TPM4: variants seen among roughly 807,000 people sequenced by gnomAD.
The protein encoded by TPM4 is tropomyosin alpha-4 chain.
A neutral mutation model predicts 35.8 loss-of-function variants in TPM4; 17 were observed. That is an observed-to-expected ratio of 0.47 (90% confidence interval 0.32 to 0.71). The LOEUF (loss-of-function observed/expected upper bound fraction) is 0.71. Among genes scored for constraint, TPM4 ranks in the 30% least tolerant of loss-of-function variants. TPM4 has a pLI of 0.03. For synonymous variants in TPM4, 120 were observed against 122.9 expected (o/e 0.98, Z 0.15); for missense variants, 240 against 320.9 (o/e 0.75, Z 1.93).
intron 2 of TPM4, among the ~76,000 whole-genome samples, chr19:16,085,131 T>C (rs1053954251): frequency 5.9e-5 from 9 of 152,034 alleles, no homozygotes; most frequent in Admixed American, 5.9e-4. Flanking sequence ...TGCATGCTGG[T>C]AGTCCCAGCC....
chr19:16,098,193 A>G (rs1011569552), intron 7 of TPM4, among the ~76,000 whole-genome samples: 6 of 152,218 alleles, frequency 3.9e-5, no homozygotes, highest in Non-Finnish European at 8.8e-5. Flanking sequence ...CTGTAATCCC[A>G]ACACTTTGGG....
chr19:16,090,535 G>C (rs909531356), intron 5 of TPM4, among the ~76,000 whole-genome samples: 1 of 151,614 alleles, frequency 6.6e-6, no homozygotes, highest in Non-Finnish European at 1.5e-5. Context: ...ATTACTTTGG[G>C]AGGCCGCCGA....
chr19:16,067,618 C>A lies in TPM4; in HGVS notation c.-7C>A. On this transcript the variant is annotated 5_prime_UTR_variant, in exon 2 of 3. Coordinates refer to the TPM4 transcript ENST00000589897. This position sits in a 1 kb window ranked among gnomAD's most constrained non-coding sequence, Gnocchi z 4.1. ...GCACCCCACGTCCCCCACGCCAGCG[C>A]CCAGCCATGGAGGCCATCAAGAAGA... 6.2e-7 allele frequency: 1 copy of A among 1,612,562 alleles called. No individual in the cohort carries two copies. Among genetic ancestry groups the A allele is most frequent in the Non-Finnish European group, 8.5e-7 (1 of 1,179,558 alleles).
chr19:16,075,788 T>C (rs1363950), upstream of TPM4: 53,345 of 398,328 alleles, frequency 0.13, 3,972 homozygotes, highest in Admixed American at 0.26. Flanking sequence ...AAAGCTGCCA[T>C]TGATCTCCCT....
chr19:16,085,818 C>T (rs1436040823), intron 2 of TPM4, among the ~76,000 whole-genome samples: 4 of 152,060 alleles, frequency 2.6e-5, no homozygotes, highest in African/African-American at 9.7e-5. Flanking sequence ...CCTGTAATCC[C>T]AGCACTCTGG....
intron 3 of TPM4, among the ~76,000 whole-genome samples, chr19:16,087,705 AC>A (rs1259000672): frequency 2.0e-5 from 3 of 151,598 alleles, no homozygotes; most frequent in Non-Finnish European, 4.4e-5. Context: ...CTACGGTGAA[AC>A]CCCATCTCGA....
chr19:16,076,101 C>T, upstream of TPM4: 1 of 1,604,460 alleles, frequency 6.2e-7, no homozygotes, highest in East Asian at 2.3e-5. Flanking sequence ...AGAGGACGAG[C>T]TGGATAAATA....
rs1283289709 is a variant in TPM4, at chr19:16,070,503, C to T, written c.114+2765C>T. ...ACCCAGGCCAGGAGCCAGGCCAGCCCGGCAGCTAAAGGCGAAAGCTCGGAG... is the reference window on the plus strand; with the variant it reads ...ACCCAGGCCAGGAGCCAGGCCAGCCTGGCAGCTAAAGGCGAAAGCTCGGAG... On this transcript the variant is annotated intron_variant, in intron 2 of 2. Coordinates refer to the TPM4 transcript ENST00000589897. The surrounding 1 kb of genome is among the most constrained non-coding windows in gnomAD (Gnocchi z 7.4). Among the ~76,000 whole-genome samples, 4 of 152,136 alleles carry T rather than the reference C, an allele frequency of 2.6e-5. No individual in the cohort carries two copies. Among genetic ancestry groups the T allele is most frequent in the East Asian group, 3.9e-4 (2 of 5,194 alleles).
At chr19:16,071,547 T>C (rs564218645), upstream of TPM4, among the ~76,000 whole-genome samples, 12 of 152,338 alleles carry the variant, frequency 7.9e-5, no homozygotes, top group Non-Finnish European at 1.3e-4. Flanking sequence ...GCCCTCAGTG[T>C]CCTCATCTGT....
At chr19:16,098,498 ATCTGTTGATAG>A (rs1375250349) in intron 7 of TPM4, among the ~76,000 whole-genome samples, 2 of 152,192 alleles carry the variant, frequency 1.3e-5, no homozygotes, top group African/African-American at 4.8e-5. Flanking sequence ...GGTCTACACT[ATCTGTTGATAG>A]TCTGTGAGCC....
chr19:16,101,783 A>C lies in TPM4; in HGVS notation c.*437A>C, dbSNP rs1037582075. On this transcript the variant is annotated 3_prime_UTR_variant, in exon 8 of 8. Coordinates refer to ENST00000643579, the MANE Select transcript of TPM4 (RefSeq NM_003290.3). The stretch of plus-strand genomic sequence containing the variant: ...TGTTGGTCAAACTATAGGAGAGACC[A>C]GGGACCATCACATGGGTAGGGATTT... 2.2e-5 allele frequency: 5 copies of C among 229,756 alleles called. No individual in the cohort carries two copies. Among genetic ancestry groups the C allele is most frequent in the African/African-American group, 1.1e-4 (5 of 45,050 alleles). The allele number at this position is 229,756 out of a possible 1,614,324, so 14.2% of individuals were successfully genotyped here.
At position 16,070,571 on chromosome 19, in the gene TPM4, T is replaced by C. The variant is rs961887903; in HGVS notation, c.114+2833T>C. 6.6e-6 allele frequency among the ~76,000 whole-genome samples: 1 copy of C among 152,224 alleles called. No individual in the cohort carries two copies. The highest frequency in any genetic ancestry group is 1.9e-4 in the East Asian group (1 of 5,192). Reference sequence around the variant, plus strand: ...TGAGTCATGGCTCAGTCGCTAGGTGTCCCGGACGCCTGCATGAGTGAGATA... The same window carrying C: ...TGAGTCATGGCTCAGTCGCTAGGTGCCCCGGACGCCTGCATGAGTGAGATA... On this transcript the variant is annotated intron_variant, in intron 2 of 2. Coordinates refer to the TPM4 transcript ENST00000589897. This position sits in a 1 kb window ranked among gnomAD's most constrained non-coding sequence, Gnocchi z 7.4.
chr19:16,076,464 A>T (rs898679236), upstream of TPM4: 3 of 1,334,020 alleles, frequency 2.2e-6, no homozygotes, highest in East Asian at 6.4e-5. Flanking sequence ...GCCCCCGCGC[A>T]GGCAAAGGCT....
At chr19:16,073,045 CA>C (rs1324353423), upstream of TPM4, among the ~76,000 whole-genome samples, 1 of 151,852 alleles carries the variant, frequency 6.6e-6, no homozygotes, top group African/African-American at 2.4e-5. Flanking sequence ...CCAAACCAAA[CA>C]AAAAAACCCC....
intron 7 of TPM4, chr19:16,099,985 A>G (rs2090746419): frequency 6.6e-6 from 1 of 152,232 alleles, no homozygotes; most frequent in Non-Finnish European, 1.5e-5. Context: ...GATGGGTTAC[A>G]GGATTTTAGA....
Position 16,101,917 on chromosome 19 carries a change from A to G in TPM4, c.*571A>G, listed in dbSNP as rs957689521. 3.5e-5 allele frequency: 8 copies of G among 225,710 alleles called. No homozygotes were observed. The highest frequency in any genetic ancestry group is 1.8e-4 in the South Asian group (1 of 5,466). 14.0% of individuals were successfully genotyped at this position (225,710 alleles called of 1,614,324 possible). On this transcript the variant is annotated 3_prime_UTR_variant, in exon 8 of 8. Coordinates refer to ENST00000643579, the MANE Select transcript of TPM4 (RefSeq NM_003290.3). ...GAATCCTGGCCCTTCTCCACTCTCC[A>G]CCATGCAGGACAAACATCTTCTCAA...
intron 3 of TPM4, among the ~76,000 whole-genome samples, chr19:16,087,132 AT>A (rs1311875520): frequency 6.6e-6 from 1 of 151,906 alleles, no homozygotes; most frequent in Non-Finnish European, 1.5e-5. Context: ...AATAATAATA[AT>A]TAGCTGGGTG....
rs1277923757 is a variant in TPM4, at chr19:16,076,868, C to A, written c.132+171C>A. 2.4e-6 allele frequency: 3 copies of A among 1,230,066 alleles called. No individual in the cohort carries two copies. In the East Asian group the frequency reaches 9.9e-5, roughly 41 times the overall value. The allele number at this position is 1,230,066 out of a possible 1,614,324, so 76.2% of individuals were successfully genotyped here. ...CTGCGCCCGCAGCCAGGACCCCCTA[C>A]TTCCTCCGCCGTCCTCCTTCCTGGG... On this transcript the variant is annotated intron_variant, in intron 1 of 7. Transcript: ENST00000643579.
chr19:16,092,874 A>T (rs969067697), intron 5 of TPM4, among the ~76,000 whole-genome samples: 1 of 151,456 alleles, frequency 6.6e-6, no homozygotes, highest in Non-Finnish European at 1.5e-5. Flanking sequence ...CTTTTTTTTG[A>T]GATGGGGTCC....
Sources: allele counts gnomAD v4.1 joint callset (sites outside exome capture counted in the v4.1 genomes callset), GRCh38; gene constraint gnomAD v4.1.1; non-coding constraint Gnocchi (gnomAD v3.1); transcripts MANE v1.5; gene names NCBI Gene and HGNC (gene_info 2026-07-23, HGNC 2026-07-21).